VRK2: variants seen among roughly 807,000 people sequenced by gnomAD.
VRK2 encodes serine/threonine-protein kinase VRK2.
A neutral mutation model predicts 57.6 loss-of-function variants in VRK2; 60 were observed. That is an observed-to-expected ratio of 1.04 (90% CI 0.85 to 1.29). The LOEUF (loss-of-function observed/expected upper bound fraction) is 1.29, where lower values mean the gene tolerates loss of function less well. VRK2 is among the 50% of genes most tolerant of loss of function. VRK2 has a pLI of 0.00. For missense variants in VRK2, 705 were observed against 588.1 expected (o/e 1.20, Z -2.06); for synonymous variants, 231 against 199.2 (o/e 1.16, Z -1.35).
intron 1 of VRK2, among the ~76,000 whole-genome samples, chr2:57,910,867 A>G (rs755144344): frequency 2.4e-4 from 36 of 152,300 alleles, no homozygotes; most frequent in Non-Finnish European, 4.6e-4. Flanking sequence ...GGACTAACCA[A>G]TGTTGAGATT....
intron 1 of VRK2, among the ~76,000 whole-genome samples, chr2:57,962,480 T>C (rs984405401): frequency 2.6e-5 from 4 of 152,166 alleles, no homozygotes; most frequent in African/African-American, 4.8e-5. Flanking sequence ...AGGTAAACTG[T>C]ACGTCACAGA....
intron 11 of VRK2, among the ~76,000 whole-genome samples, chr2:58,143,882 G>C (rs1681706808): frequency 6.6e-6 from 1 of 151,640 alleles, no homozygotes; most frequent in Non-Finnish European, 1.5e-5. Context: ...AATATTATTT[G>C]TGGTTATAGA....
At position 58,083,996 on chromosome 2, in the gene VRK2, T is replaced by C. The variant is rs957341876; in HGVS notation, c.137-93T>C. ...TGGGATGACATAATAAACTTACATATGTAAAATGCTTAGCATAGTGTTTGG... is the reference window on the plus strand; with the variant it reads ...TGGGATGACATAATAAACTTACATACGTAAAATGCTTAGCATAGTGTTTGG... On this transcript the variant is annotated intron_variant, in intron 2 of 12. Coordinates refer to ENST00000340157, the MANE Select transcript of VRK2 (RefSeq NM_006296.7). The C allele has an allele frequency of 1.0e-5, 14 of 1,338,464 alleles. No individual in the cohort carries two copies. The African/African-American group carries it at 1.8e-4, about 17-fold the overall frequency. 82.9% of individuals were successfully genotyped at this position (1,338,464 alleles called of 1,614,324 possible). A position where few individuals can be genotyped will look rare whatever the true frequency, so the allele number is the denominator to read the frequency against.
intron 1 of VRK2, among the ~76,000 whole-genome samples, chr2:57,948,570 A>C (rs1473522355): frequency 6.6e-6 from 1 of 152,154 alleles, no homozygotes; most frequent in African/African-American, 2.4e-5. Flanking sequence ...CTCTCCAATG[A>C]ATAAAATATC....
rs542321532 is a variant in VRK2, at chr2:58,119,547, A to G, written c.544-3554A>G. 1.3e-4 allele frequency among the ~76,000 whole-genome samples: 19 copies of G among 151,430 alleles called. No individual in the cohort carries two copies. The East Asian group carries it at 2.7e-3, about 22-fold the overall frequency. ...TTGGAATATTATTTTCTGAGCCCCA[A>G]CAGGTCAAATTAATTTGTCAACATT... On this transcript the variant is annotated intron_variant, in intron 7 of 12. Coordinates refer to ENST00000340157, the MANE Select transcript of VRK2 (RefSeq NM_006296.7).
intron 1 of VRK2, among the ~76,000 whole-genome samples, chr2:57,930,696 A>T (rs1169980208): frequency 6.6e-6 from 1 of 152,140 alleles, no homozygotes; most frequent in Admixed American, 6.5e-5. Context: ...GAATGTATTC[A>T]TCTTACAACT....
chr2:58,050,132 T>A (rs1278176695), intron 2 of VRK2, among the ~76,000 whole-genome samples: 1 of 152,160 alleles, frequency 6.6e-6, no homozygotes, highest in Non-Finnish European at 1.5e-5. Flanking sequence ...AGTTTAAAAT[T>A]TTCTAGGAGC....
At chr2:58,054,004 T>TA (rs1676139974) in intron 2 of VRK2, among the ~76,000 whole-genome samples, 1 of 152,152 alleles carries the variant, frequency 6.6e-6, no homozygotes, top group African/African-American at 2.4e-5. Context: ...GTAAATTTAA[T>TA]ACGTTTGTTG....
intron 2 of VRK2, among the ~76,000 whole-genome samples, chr2:58,082,778 A>G (rs1278016475): frequency 6.6e-6 from 1 of 151,814 alleles, no homozygotes; most frequent in African/African-American, 2.4e-5. Flanking sequence ...TTGTTATTGT[A>G]AAGAGGTCTG....
intron 1 of VRK2, among the ~76,000 whole-genome samples, chr2:58,048,311 C>T (rs1456476965): frequency 6.6e-6 from 1 of 152,072 alleles, no homozygotes; most frequent in Non-Finnish European, 1.5e-5. Context: ...AAATCCCTGG[C>T]TCATTTAACA....
At chr2:57,992,832 G>A (rs1363986740) in intron 1 of VRK2, among the ~76,000 whole-genome samples, 2 of 152,182 alleles carry the variant, frequency 1.3e-5, no homozygotes, top group Non-Finnish European at 2.9e-5. Context: ...CACCGCGCCC[G>A]GCCAGTGTTG....
At chr2:58,129,609 T>A (rs559437665) in intron 8 of VRK2, among the ~76,000 whole-genome samples, 20 of 152,358 alleles carry the variant, frequency 1.3e-4, no homozygotes, top group African/African-American at 4.8e-4. Context: ...TTTAATATTG[T>A]CATCTAGAAC....
chr2:57,931,845 A>C (rs1213236240), intron 1 of VRK2, among the ~76,000 whole-genome samples: 1 of 148,268 alleles, frequency 6.7e-6, no homozygotes. Context: ...ATGTATATTC[A>C]GTTTCCTCAA....
chr2:58,133,848 C>T (rs1228711569), intron 9 of VRK2, among the ~76,000 whole-genome samples: 1 of 152,018 alleles, frequency 6.6e-6, no homozygotes, highest in Non-Finnish European at 1.5e-5. Flanking sequence ...TACTTAGATA[C>T]AATGTTTGCG....
intron 10 of VRK2, among the ~76,000 whole-genome samples, chr2:58,135,666 G>A (rs1012903773): frequency 3.9e-5 from 6 of 151,932 alleles, no homozygotes; most frequent in African/African-American, 1.5e-4. Context: ...TGACTGAACT[G>A]CCAGCAAAAA....
At chr2:57,923,099 C>T (rs1487845679) in intron 1 of VRK2, among the ~76,000 whole-genome samples, 1 of 151,848 alleles carries the variant, frequency 6.6e-6, no homozygotes, top group African/African-American at 2.4e-5. Context: ...ATGTGCACCA[C>T]ATTTTTGTTA....
Position 58,159,399 on chromosome 2 carries a change from T to G in VRK2, c.1233T>G (p.Asn411Lys). ...ATCAAGAGTCTCAAGAACCTTTGAATGAAGTAAACAGTTTCCCACAAAAAA... is the reference window on the plus strand; with the variant it reads ...ATCAAGAGTCTCAAGAACCTTTGAAGGAAGTAAACAGTTTCCCACAAAAAA... ...QKYQESQEPL[N>K]EVNSFPQKIS... The change falls in exon 13 of 13, where the codon AAT becomes AAG. Residue 411 changes from asparagine (N) to lysine (K), a missense_variant. Asn to Lys is a moderately conservative substitution (Grantham distance 94, BLOSUM62 0). Coordinates refer to ENST00000340157, the MANE Select transcript of VRK2 (RefSeq NM_006296.7). 1 of 1,613,214 alleles carries G rather than the reference T, an allele frequency of 6.2e-7. No individual in the cohort carries two copies. The highest frequency in any genetic ancestry group is 8.5e-7 in the Non-Finnish European group (1 of 1,179,604).
intron 1 of VRK2, among the ~76,000 whole-genome samples, chr2:57,938,436 G>C (rs977309868): frequency 3.9e-5 from 6 of 152,138 alleles, no homozygotes; most frequent in African/African-American, 1.4e-4. Flanking sequence ...GTGGAATATA[G>C]TAAGTTCATA....
chr2:58,038,715 G>A (rs1231242048), intron 3 of VRK2, among the ~76,000 whole-genome samples: 2 of 152,008 alleles, frequency 1.3e-5, no homozygotes, highest in African/African-American at 2.4e-5. Context: ...ATGCCTACAA[G>A]TCTAACTTCT....
Sources: allele counts gnomAD v4.1 joint callset (sites outside exome capture counted in the v4.1 genomes callset), GRCh38; gene constraint gnomAD v4.1.1; transcripts MANE v1.5; gene names NCBI Gene and HGNC (gene_info 2026-07-23, HGNC 2026-07-21).